Variants in TENM3 observed in about 807,000 individuals in gnomAD.
TENM3 encodes teneurin-3.
A neutral mutation model predicts 255.1 loss-of-function variants in TENM3; 63 were observed. The ratio of observed to expected loss-of-function variants is 0.25; its 90% CI spans 0.20 to 0.30. The LOEUF is 0.30. Ranked by LOEUF, TENM3 falls within the 10% of genes least tolerant of loss-of-function variation. TENM3 has a pLI of 1.00. For synonymous variants in TENM3, 1,306 were observed against 1,322.3 expected (o/e 0.99, Z 0.27); for missense variants, 2,929 against 3,461.1 (o/e 0.85, Z 3.86).
chr4:182,608,297 A>T (rs1389325900), intron 4 of TENM3, among the ~76,000 whole-genome samples: 1 of 152,204 alleles, frequency 6.6e-6, no homozygotes, highest in East Asian at 1.9e-4. Context: ...TCTGTCACTC[A>T]TGCTAGAGTG....
At chr4:182,205,903 A>C (rs1307821609) in intron 1 of TENM3, among the ~76,000 whole-genome samples, 1 of 152,174 alleles carries the variant, frequency 6.6e-6, no homozygotes, top group Admixed American at 6.5e-5. Context: ...GCCAGCGGAC[A>C]ATTAATATAG....
intron 1 of TENM3, among the ~76,000 whole-genome samples, chr4:182,259,604 C>T (rs2150153348): frequency 6.6e-6 from 1 of 152,290 alleles, no homozygotes; most frequent in South Asian, 2.1e-4. Flanking sequence ...AGCCACCACA[C>T]TCAGCCTATT....
At chr4:181,751,000 G>A in the TENM3 span, among the ~76,000 whole-genome samples, 1 of 152,096 alleles carries the variant, frequency 6.6e-6, no homozygotes, top group Non-Finnish European at 1.5e-5. Context: ...AAATATTTCA[G>A]CATGCAATAA....
intron 3 of TENM3, among the ~76,000 whole-genome samples, chr4:182,597,662 A>G (rs1232975213): frequency 6.6e-6 from 1 of 152,102 alleles, no homozygotes; most frequent in Non-Finnish European, 1.5e-5. Flanking sequence ...GCTTTATCTT[A>G]TGTTTCACAC....
chr4:181,837,762 CACAGCTGTTTTGCCAGA>C, the TENM3 span, among the ~76,000 whole-genome samples: 2 of 152,146 alleles, frequency 1.3e-5, no homozygotes, highest in African/African-American at 2.4e-5. Flanking sequence ...CACTTCTGCC[CACAGCTGTTTTGCCAGA>C]ACTCCTTATA....
At chr4:181,944,354 G>A in the TENM3 span, among the ~76,000 whole-genome samples, 2 of 149,016 alleles carry the variant, frequency 1.3e-5, no homozygotes, top group Non-Finnish European at 3.0e-5. Flanking sequence ...CTCCAGAAGA[G>A]AGAATATTCA....
intron 1 of TENM3, among the ~76,000 whole-genome samples, chr4:182,290,546 A>G (rs1761048345): frequency 6.6e-6 from 1 of 152,116 alleles, no homozygotes; most frequent in African/African-American, 2.4e-5. Context: ...TTTGTCGCCC[A>G]GGCAGGAGTG....
the TENM3 span, among the ~76,000 whole-genome samples, chr4:181,491,719 C>A: frequency 5.3e-5 from 8 of 151,978 alleles, no homozygotes; most frequent in African/African-American, 1.9e-4. Context: ...TGAAAGTTTG[C>A]AGAGATGAGT....
chr4:182,372,037 G>T (rs1470819476), intron 3 of TENM3, among the ~76,000 whole-genome samples: 2 of 152,166 alleles, frequency 1.3e-5, no homozygotes, highest in South Asian at 4.1e-4. Context: ...ATTGTAGTTT[G>T]CAGCTTAAGG....
chr4:181,984,084 G>A, the TENM3 span, among the ~76,000 whole-genome samples: 1 of 151,856 alleles, frequency 6.6e-6, no homozygotes, highest in South Asian at 2.1e-4. Flanking sequence ...TTCCCTTTCT[G>A]TCCCCTTTTT....
At chr4:181,960,701 C>G in the TENM3 span, among the ~76,000 whole-genome samples, 2 of 152,162 alleles carry the variant, frequency 1.3e-5, no homozygotes, top group Non-Finnish European at 2.9e-5. Flanking sequence ...TTTGTATACA[C>G]TATAACTCTA....
the TENM3 span, among the ~76,000 whole-genome samples, chr4:182,057,880 T>C: frequency 6.6e-6 from 1 of 152,008 alleles, no homozygotes; most frequent in Admixed American, 6.6e-5. Flanking sequence ...GCCAGAAAAC[T>C]GAGCATCTTT....
chr4:181,648,932 A>T, the TENM3 span, among the ~76,000 whole-genome samples: 2 of 152,180 alleles, frequency 1.3e-5, no homozygotes, highest in Non-Finnish European at 2.9e-5. Context: ...ATTATAAACA[A>T]CTGAGAAACT....
chr4:181,999,574 T>G, the TENM3 span, among the ~76,000 whole-genome samples: 1 of 152,128 alleles, frequency 6.6e-6, no homozygotes, highest in African/African-American at 2.4e-5. Context: ...TGAAAAAATA[T>G]GAGTTTATAT....
At chr4:182,393,386 C>T (rs933748433) in intron 3 of TENM3, among the ~76,000 whole-genome samples, 1 of 152,078 alleles carries the variant, frequency 6.6e-6, no homozygotes, top group Non-Finnish European at 1.5e-5. Flanking sequence ...CATACATACA[C>T]AGAGATAAAA....
At chr4:182,763,228 A>C (rs1763360281) in intron 22 of TENM3, among the ~76,000 whole-genome samples, 1 of 152,236 alleles carries the variant, frequency 6.6e-6, no homozygotes, top group African/African-American at 2.4e-5. Context: ...AATGTAAGTC[A>C]AGCATCAGCT....
chr4:182,603,032 G>C (rs1397766934), intron 4 of TENM3, among the ~76,000 whole-genome samples: 1 of 152,186 alleles, frequency 6.6e-6, no homozygotes, highest in African/African-American at 2.4e-5. Flanking sequence ...GTGAAACCAT[G>C]TCTTCCAGTG....
the TENM3 span, among the ~76,000 whole-genome samples, chr4:181,655,687 G>C: frequency 1.3e-5 from 2 of 152,308 alleles, no homozygotes; most frequent in Non-Finnish European, 2.9e-5. Context: ...ATCCCATTAA[G>C]ACCTGAAGGG....
intron 3 of TENM3, among the ~76,000 whole-genome samples, chr4:182,478,832 ATAT>A (rs1422956424): frequency 2.0e-5 from 3 of 152,080 alleles, no homozygotes; most frequent in East Asian, 3.9e-4. Context: ...TATAGATAAA[ATAT>A]TATTTAATCA....
Sources: allele counts gnomAD v4.1 joint callset (sites outside exome capture counted in the v4.1 genomes callset), GRCh38; gene constraint gnomAD v4.1.1; transcripts MANE v1.5; gene names NCBI Gene and HGNC (gene_info 2026-07-23, HGNC 2026-07-21).